The following SYTL5 variants were observed in gnomAD, a reference collection of about 807,000 sequenced individuals.
The protein encoded by SYTL5 is synaptotagmin like 5.
A neutral mutation model predicts 55.9 loss-of-function variants in SYTL5; 34 were observed. The ratio of observed to expected loss-of-function variants is 0.61; its 90% CI spans 0.46 to 0.81. The LOEUF is 0.81. Ranked by LOEUF, SYTL5 falls within the 30% of genes least tolerant of loss-of-function variation. SYTL5 has a pLI of 0.00. For synonymous variants in SYTL5, 221 were observed against 188.7 expected, an observed-to-expected ratio of 1.17 and a Z score of -1.40; for missense variants, 637 against 546.7, an observed-to-expected ratio of 1.17 and a Z score of -1.65.
In SYTL5 at chrX:38,043,053, C is replaced by T. The variant is rs564380903; in HGVS notation, c.119+9045C>T. Among the ~76,000 whole-genome samples, 5 of 111,296 alleles carry T rather than the reference C, an allele frequency of 4.5e-5. No homozygotes were observed. In the South Asian group the frequency reaches 1.5e-3, roughly 34 times the overall value. On this transcript the variant is annotated intron_variant, in intron 2 of 16. Coordinates refer to ENST00000297875, the MANE Select transcript of SYTL5 (RefSeq NM_138780.3). ...AATTTTTATAATTGTTCTTTTATTG[C>T]AGAGTAATTAAGCATAATGAAAATA...
chrX:38,105,684 A>C (rs953963494), intron 10 of SYTL5, among the ~76,000 whole-genome samples: 1 of 112,207 alleles, frequency 8.9e-6, no homozygotes, highest in African/African-American at 3.2e-5. Flanking sequence ...TCACATACTC[A>C]AAACAGCATA....
intron 9 of SYTL5, among the ~76,000 whole-genome samples, chrX:38,100,076 G>C (rs757054853): frequency 4.5e-5 from 5 of 110,706 alleles, no homozygotes; most frequent in East Asian, 2.8e-4. Context: ...TCAGAGTAAT[G>C]CTGGCTTCAT....
chrX:38,007,516 A>G (rs1193094669), intron 1 of SYTL5, among the ~76,000 whole-genome samples: 1 of 111,929 alleles, frequency 8.9e-6, no homozygotes, highest in African/African-American at 3.2e-5. Flanking sequence ...TTATATATTT[A>G]TAGCATTCAA....
chrX:38,084,427 CAGTT>C (rs1184771968), intron 6 of SYTL5, among the ~76,000 whole-genome samples: 1 of 112,324 alleles, frequency 8.9e-6, no homozygotes, highest in Admixed American at 9.4e-5. Context: ...AAATTGAAGA[CAGTT>C]GGTCAGAAGT....
At chrX:37,915,547 A>G in the SYTL5 span, among the ~76,000 whole-genome samples, 1 of 112,182 alleles carries the variant, frequency 8.9e-6, no homozygotes, top group Non-Finnish European at 1.9e-5. Flanking sequence ...CGGTGGATCT[A>G]ATGACCTAAA....
upstream of SYTL5, among the ~76,000 whole-genome samples, chrX:38,004,433 A>C (rs746295212): frequency 1.5e-4 from 17 of 111,975 alleles, no homozygotes; most frequent in Non-Finnish European, 3.0e-4. Flanking sequence ...GTATATACCC[A>C]AAAGAAAGGA....
rs1481272772 is a variant in SYTL5, at chrX:38,127,792, T to C, written c.*1062T>C. Reference sequence around the variant, plus strand: ...TGAAGATTGGCTATGGCACCTCTGCTTCCTGCTATAGGCCTGAGGTTCTAG... The same window carrying C: ...TGAAGATTGGCTATGGCACCTCTGCCTCCTGCTATAGGCCTGAGGTTCTAG... On this transcript the variant is annotated 3_prime_UTR_variant, in exon 17 of 17. Transcript: ENST00000297875. 1.8e-5 allele frequency: 2 copies of C among 112,489 alleles called. No homozygotes were observed. The highest frequency in any genetic ancestry group is 5.6e-4 in the East Asian group (2 of 3,570). The allele number at this position is 112,489 out of a possible 1,213,427, so 9.3% of individuals were successfully genotyped here.
At chrX:38,101,747 C>T (rs1252649721) in intron 9 of SYTL5, among the ~76,000 whole-genome samples, 1 of 107,606 alleles carries the variant, frequency 9.3e-6, no homozygotes, top group African/African-American at 3.4e-5. Context: ...TAATGAGAGA[C>T]CTAAGTTTTT....
intron 2 of SYTL5, among the ~76,000 whole-genome samples, chrX:38,048,339 T>G (rs1308409383): frequency 9.2e-6 from 1 of 109,231 alleles, no homozygotes; most frequent in Non-Finnish European, 1.9e-5. Flanking sequence ...GTTCCAAACT[T>G]TCCCACATTT....
At chrX:38,041,504 C>T (rs138141472) in intron 2 of SYTL5, among the ~76,000 whole-genome samples, 80 of 111,955 alleles carry the variant, frequency 7.1e-4, no homozygotes, top group African/African-American at 2.4e-3. Flanking sequence ...AGCTTCTTAA[C>T]GGATTAACAG....
At chrX:38,043,664 T>TATATATATATATATATATATATATAC (rs1935359192) in intron 2 of SYTL5, among the ~76,000 whole-genome samples, 29 of 34,716 alleles carry the variant, frequency 8.4e-4, no homozygotes, top group Non-Finnish European at 1.5e-3. Flanking sequence ...TATGTATGTA[T>TATATATATATATATATATATATATAC]ATATATATAT....
intron 12 of SYTL5, 28 bp downstream of exon 12, chrX:38,108,727 CAT>C: frequency 1.0e-6 from 1 of 979,333 alleles, no homozygotes. Context: ...CATAGTAACT[CAT>C]GTGGTACTGT....
At chrX:37,961,822 G>A in the SYTL5 span, among the ~76,000 whole-genome samples, 1 of 111,543 alleles carries the variant, frequency 9.0e-6, no homozygotes, top group Non-Finnish European at 1.9e-5. Context: ...AAAGCAATTT[G>A]TCTTGATCTC....
chrX:37,918,607 G>A, the SYTL5 span, among the ~76,000 whole-genome samples: 1 of 112,023 alleles, frequency 8.9e-6, no homozygotes, highest in African/African-American at 3.2e-5. Context: ...AATAACTGAG[G>A]ATGGTACTTC....
At chrX:38,112,728 G>A (rs936273629) in intron 13 of SYTL5, among the ~76,000 whole-genome samples, 4 of 111,854 alleles carry the variant, frequency 3.6e-5, no homozygotes, top group African/African-American at 9.7e-5. Flanking sequence ...CTCATCCCCA[G>A]GCTGAGCTGG....
intron 3 of SYTL5, among the ~76,000 whole-genome samples, chrX:38,058,711 G>A (rs758625481): frequency 9.0e-6 from 1 of 110,803 alleles, no homozygotes; most frequent in East Asian, 2.8e-4. Flanking sequence ...TTTTTAAAAC[G>A]TTTTTAATAT....
chrX:37,891,386 A>G, the SYTL5 span, among the ~76,000 whole-genome samples: 1 of 112,392 alleles, frequency 8.9e-6, no homozygotes, highest in Non-Finnish European at 1.9e-5. Context: ...AAAAGATCAC[A>G]CATTGTTGAT....
the SYTL5 span, among the ~76,000 whole-genome samples, chrX:37,915,131 G>A: frequency 2.7e-5 from 3 of 111,575 alleles, no homozygotes; most frequent in Non-Finnish European, 5.7e-5. Flanking sequence ...CAGGGGCTAC[G>A]TTCCTCCTTG....
At chrX:37,968,129 C>T in the SYTL5 span, among the ~76,000 whole-genome samples, 1 of 110,255 alleles carries the variant, frequency 9.1e-6, no homozygotes, top group East Asian at 2.9e-4. Context: ...TATCTCCATA[C>T]CATTAGGGTT....
Sources: gnomAD v4.1 joint callset for allele counts (sites outside exome capture counted in the v4.1 genomes callset) on GRCh38, gnomAD v4.1.1 for gene constraint, MANE v1.5 for transcripts, NCBI Gene and HGNC (gene_info 2026-07-23, HGNC 2026-07-21) for gene names.